The following ZNF432 variants were observed in gnomAD, a reference collection of about 807,000 sequenced individuals.
ZNF432 encodes the protein zinc finger protein 432.
In ZNF432, 10 loss-of-function variants were observed where a neutral mutation model predicts 13.9. The observed-to-expected ratio is 0.72, with a 90% CI of 0.44 to 1.22. ZNF432 has a LOEUF of 1.22. ZNF432 is among the 50% of genes most tolerant of loss of function. ZNF432 has a pLI of 0.00. For missense variants in ZNF432, 793 were observed against 796.2 expected (o/e 1.00, Z 0.05); for synonymous variants, 247 against 256.2 (o/e 0.96, Z 0.34).
rs2087028740 is a variant in ZNF432 at position 52,032,831 on chromosome 19, T to C, written c.*889A>G. On this transcript the variant is annotated 3_prime_UTR_variant, in exon 5 of 5. Transcript: ENST00000221315. ...TAAGTTTTATTTCTGTATGAAGTAA[T>C]GATGATGAGGCAGCATGTATCACTG... 6.6e-6 allele frequency: 1 copy of C among 152,130 alleles called. No individual in the cohort carries two copies. The highest frequency in any genetic ancestry group is 1.5e-5 in the Non-Finnish European group (1 of 68,040). The allele number at this position is 152,130 out of a possible 1,614,324, so 9.4% of individuals were successfully genotyped here.
At chr19:52,040,605 A>G (rs538493210) in intron 3 of ZNF432, 22 bp from the exon 4 acceptor site, 6 of 1,598,516 alleles carry the variant, frequency 3.8e-6, no homozygotes, top group Non-Finnish European at 5.1e-6. Flanking sequence ...AAATAATAGA[A>G]GACAGACACA....
At chr19:52,048,233 G>C (rs3752118) in intron 1 of ZNF432, among the ~76,000 whole-genome samples, 67,888 of 149,582 alleles carry the variant, frequency 0.45, 17,759 homozygotes, top group African/African-American at 0.72. Flanking sequence ...CTTGTCTCTA[G>C]ACAAAAGACC....
rs545291961 is a variant in ZNF432 at position 52,038,580 on chromosome 19, G to A, written c.238+1908C>T. On this transcript the variant is annotated intron_variant, in intron 4 of 4. Transcript: ENST00000221315. The stretch of plus-strand genomic sequence containing the variant: ...GCTGGGATTACAGGCATGAGCCACC[G>A]CACCTGACCCATGCCTTCATTCTTA... Among the ~76,000 whole-genome samples the A allele has an allele frequency of 6.2e-4, 94 of 152,222 alleles. 3 individuals are homozygous for A. Among genetic ancestry groups the A allele is most frequent in the African/African-American group, 2.1e-3 (86 of 41,520 alleles).
intron 4 of ZNF432, 38 bp downstream of exon 4, chr19:52,040,450 T>G: frequency 6.4e-7 from 1 of 1,572,480 alleles, no homozygotes; most frequent in South Asian, 1.1e-5. Flanking sequence ...TTTCACTGAC[T>G]ATAATATTAC....
intron 4 of ZNF432, among the ~76,000 whole-genome samples, chr19:52,037,465 CT>C (rs1261411325): frequency 6.6e-6 from 1 of 152,050 alleles, no homozygotes; most frequent in Non-Finnish European, 1.5e-5. Flanking sequence ...GATATGAAAA[CT>C]GTCATTTTCT....
intron 4 of ZNF432, among the ~76,000 whole-genome samples, chr19:52,039,000 G>A (rs1044206131): frequency 5.9e-5 from 9 of 152,266 alleles, no homozygotes; most frequent in Admixed American, 3.9e-4. Context: ...TTCCAGGAGA[G>A]GCTGAAGACT....
chr19:52,047,878 C>T (rs1266331449), intron 1 of ZNF432, among the ~76,000 whole-genome samples: 6 of 151,938 alleles, frequency 3.9e-5, no homozygotes, highest in Non-Finnish European at 8.8e-5. Context: ...AGTACATTTG[C>T]AAGAGGAAGG....
At chr19:52,041,087 C>T (rs1033934744) in intron 3 of ZNF432, among the ~76,000 whole-genome samples, 10 of 151,878 alleles carry the variant, frequency 6.6e-5, no homozygotes, top group East Asian at 1.9e-4. Flanking sequence ...AGTGAAAGAC[C>T]GAGACACTGT....
At chr19:52,045,966 C>T (rs914595482) in intron 2 of ZNF432, among the ~76,000 whole-genome samples, 1 of 135,122 alleles carries the variant, frequency 7.4e-6, no homozygotes, top group Non-Finnish European at 1.5e-5. Flanking sequence ...TGCACTCCGG[C>T]TTGGGCAACA....
chr19:52,046,781 T>C (rs2123163819), intron 2 of ZNF432, 73 bp downstream of exon 2: 13 of 1,485,040 alleles, frequency 8.8e-6, no homozygotes, highest in Non-Finnish European at 1.2e-5. Context: ...CTCTAGATTC[T>C]GAAATGATTT....
In ZNF432 at chr19:52,034,984, G is replaced by A; in HGVS notation, c.695C>T (p.Pro232Leu). The A allele has an allele frequency of 6.2e-7, 1 of 1,613,726 alleles. No individual in the cohort carries two copies. Among genetic ancestry groups the A allele is most frequent in the Non-Finnish European group, 8.5e-7 (1 of 1,179,910 alleles). The change falls in exon 5 of 5, where the codon CCT (proline) becomes CTT (leucine). Residue 232 changes from proline (P) to leucine (L), a missense_variant. Transcript: ENST00000221315. The stretch of plus-strand genomic sequence containing the variant: ...TTTTGCACACAAAGTACATCCATAA[G>A]GTTTTTCTCCTGTATGAACTCTCTC... ...DHERVHTGEKPYGCTLCAKVF... is the reference protein window; with the variant it reads ...DHERVHTGEKLYGCTLCAKVF...
chr19:52,038,055 T>C (rs1452715536), intron 4 of ZNF432, among the ~76,000 whole-genome samples: 1 of 152,194 alleles, frequency 6.6e-6, no homozygotes, highest in Non-Finnish European at 1.5e-5. Context: ...CAACATATTT[T>C]ATGAAAAGAC....
chr19:52,037,976 T>C (rs961595194), intron 4 of ZNF432, among the ~76,000 whole-genome samples: 7 of 152,308 alleles, frequency 4.6e-5, no homozygotes, highest in Admixed American at 1.3e-4. Flanking sequence ...CCTTCAGTTT[T>C]TCTTAAGATA....
chr19:52,040,154 T>A (rs569135954), intron 4 of ZNF432, among the ~76,000 whole-genome samples: 1 of 152,216 alleles, frequency 6.6e-6, no homozygotes, highest in African/African-American at 2.4e-5. Flanking sequence ...AAGGAAGTAC[T>A]CTGAGACAGA....
intron 1 of ZNF432, among the ~76,000 whole-genome samples, chr19:52,048,175 AC>A (rs2123166377): frequency 6.8e-6 from 1 of 146,460 alleles, no homozygotes; most frequent in East Asian, 1.9e-4. Context: ...ACACACACAC[AC>A]ACACACAAAA....
At chr19:52,047,742 G>A (rs550598594) in intron 1 of ZNF432, among the ~76,000 whole-genome samples, 1 of 151,578 alleles carries the variant, frequency 6.6e-6, no homozygotes, top group African/African-American at 2.4e-5. Context: ...AAAAAAGAGG[G>A]AGACAGAGAA....
At chr19:52,042,238 G>T (rs900754461) in intron 2 of ZNF432, among the ~76,000 whole-genome samples, 1 of 152,078 alleles carries the variant, frequency 6.6e-6, no homozygotes, top group Admixed American at 6.6e-5. Flanking sequence ...TAATTAGTGA[G>T]TTGGAATTCA....
chr19:52,040,655 A>C, intron 3 of ZNF432, 72 bp from the exon 4 acceptor site: 1 of 1,251,244 alleles, frequency 8.0e-7, no homozygotes, highest in Non-Finnish European at 1.2e-6. Flanking sequence ...AGAATGTTAC[A>C]TTTAAGTAAC....
rs1358420970 is a variant in ZNF432, at chr19:52,033,316, G to A, written c.*404C>T. On this transcript the variant is annotated 3_prime_UTR_variant, in exon 5 of 5. Transcript: ENST00000221315. ...TATGCATGTATGCTAGGAGCACACT[G>A]CTGTTTAATCAGTTCACATTACTAA... is the stretch of plus-strand genomic sequence containing the variant. The A allele has an allele frequency of 5.8e-6, 1 of 171,648 alleles. No individual in the cohort carries two copies. Among genetic ancestry groups the A allele is most frequent in the East Asian group, 1.6e-4 (1 of 6,408 alleles). 10.6% of individuals were successfully genotyped at this position (171,648 alleles called of 1,614,324 possible).
Sources: gnomAD v4.1 joint callset for allele counts (sites outside exome capture counted in the v4.1 genomes callset) on GRCh38, gnomAD v4.1.1 for gene constraint, MANE v1.5 for transcripts, NCBI Gene and HGNC (gene_info 2026-07-23, HGNC 2026-07-21) for gene names.